The following PLA2G12A variants were observed in gnomAD, a reference collection of about 807,000 sequenced individuals.
PLA2G12A encodes group XIIA secretory phospholipase A2.
A neutral mutation model predicts 16.0 loss-of-function variants in PLA2G12A; 11 were observed. That is an observed-to-expected ratio of 0.69 (90% CI 0.43 to 1.13). PLA2G12A has a LOEUF of 1.13. PLA2G12A is among the 50% of genes most tolerant of loss of function. The pLI is 0.00. For missense variants in PLA2G12A, 214 were observed against 237.3 expected (o/e 0.90, Z 0.65); for synonymous variants, 77 against 93.8 (o/e 0.82, Z 1.03).
At chr4:109,724,325 G>A (rs190347448) in intron 1 of PLA2G12A, among the ~76,000 whole-genome samples, 287 of 152,136 alleles carry the variant, frequency 1.9e-3, no homozygotes, top group African/African-American at 6.5e-3. Context: ...GAGTTTCTCC[G>A]TGTTGGTCAG....
intron 3 of PLA2G12A, 141 bp from the exon 4 acceptor site, chr4:109,714,636 C>G: frequency 1.5e-6 from 1 of 646,522 alleles, no homozygotes; most frequent in South Asian, 2.0e-5. Flanking sequence ...CTCTCACAAC[C>G]TGTAGCATAT....
In PLA2G12A at chr4:109,710,378, C is replaced by A. The variant is rs372498036; in HGVS notation, c.*3999G>T. 1 of 152,178 alleles carries A rather than the reference C, an allele frequency of 6.6e-6. No individual in the cohort carries two copies. Among genetic ancestry groups the A allele is most frequent in the Non-Finnish European group, 1.5e-5 (1 of 68,034 alleles). 9.4% of individuals were successfully genotyped at this position (152,178 alleles called of 1,614,324 possible). ...GGATAAAATAATGAGCATTGTGCAT[C>A]GCACCTTCTGATAATCTCATACTTC... is the stretch of plus-strand genomic sequence containing the variant. On this transcript the variant is annotated 3_prime_UTR_variant, in exon 4 of 4. Transcript: ENST00000243501.
At position 109,713,608 on chromosome 4, in the gene PLA2G12A, T is replaced by A. The variant is rs1342552185; in HGVS notation, c.*769A>T. The A allele has an allele frequency of 6.6e-6, 1 of 152,236 alleles. No homozygotes were observed. The highest frequency in any genetic ancestry group is 1.5e-5 in the Non-Finnish European group (1 of 68,046). The allele number at this position is 152,236 out of a possible 1,614,324, so 9.4% of individuals were successfully genotyped here. A position where few individuals can be genotyped will look rare whatever the true frequency, so the allele number is the denominator to read the frequency against. ...ATCTTTTCTCTAACTTGGCAAAGGT[T>A]ATAGCAAAAGATGACATTTGTCATG... On this transcript the variant is annotated 3_prime_UTR_variant, in exon 4 of 4. Coordinates refer to ENST00000243501, the MANE Select transcript of PLA2G12A (RefSeq NM_030821.5).
chr4:109,711,507 T>C lies in PLA2G12A; in HGVS notation c.*2870A>G, dbSNP rs1024329078. On this transcript the variant is annotated 3_prime_UTR_variant, in exon 4 of 4. Coordinates refer to ENST00000243501, the MANE Select transcript of PLA2G12A (RefSeq NM_030821.5). ...CATCAAAGGGACATAGTAGCCAACC[T>C]GGCAGAACTCCTAATAGCCAAGCTG... is the stretch of plus-strand genomic sequence containing the variant. The C allele has an allele frequency of 6.6e-6, 1 of 152,172 alleles. No individual in the cohort carries two copies. Among genetic ancestry groups the C allele is most frequent in the African/African-American group, 2.4e-5 (1 of 41,438 alleles). 9.4% of individuals were successfully genotyped at this position (152,172 alleles called of 1,614,324 possible).
In PLA2G12A at chr4:109,729,632, C is replaced by T. The variant is rs759843038; in HGVS notation, c.178G>A (p.Asp60Asn). 4.3e-6 allele frequency: 7 copies of T among 1,611,776 alleles called. No homozygotes were observed. The highest frequency in any genetic ancestry group is 4.5e-5 in the East Asian group (2 of 44,890). The change falls in exon 1 of 4, where the codon GAC becomes AAC. Residue 60 changes from aspartate (D) to asparagine (N), a missense_variant. Coordinates refer to ENST00000243501, the MANE Select transcript of PLA2G12A (RefSeq NM_030821.5). The stretch of plus-strand genomic sequence containing the variant: ...CTGCATTTATACTGGCAGAGACCGT[C>T]CTCGCCTCCCAGGAGGTCCAAGGCG... Reference protein sequence around the residue: ...NAALDLLGGEDGLCQYKCSDG... With the variant: ...NAALDLLGGENGLCQYKCSDG...
rs987225100 is a variant in PLA2G12A at position 109,710,083 on chromosome 4, T to G, written c.*4294A>C. On this transcript the variant is annotated 3_prime_UTR_variant, in exon 4 of 4. Coordinates refer to ENST00000243501, the MANE Select transcript of PLA2G12A (RefSeq NM_030821.5). ...TATTTTTTAGGCAGATGGCTGGTTT[T>G]TGTAGGATTAAGCAGTGAGGAAAAA... 6.6e-6 allele frequency: 1 copy of G among 152,232 alleles called. No individual in the cohort carries two copies. The allele number at this position is 152,232 out of a possible 1,614,324, so 9.4% of individuals were successfully genotyped here.
intron 1 of PLA2G12A, among the ~76,000 whole-genome samples, chr4:109,719,322 C>T (rs1490529407): frequency 2.6e-5 from 4 of 152,116 alleles, no homozygotes; most frequent in South Asian, 2.1e-4. Flanking sequence ...TACAAGACCA[C>T]GCATTCTGCC....
Position 109,713,912 on chromosome 4 carries a change from G to C in PLA2G12A, c.*465C>G, listed in dbSNP as rs114948740. On this transcript the variant is annotated 3_prime_UTR_variant, in exon 4 of 4. Transcript: ENST00000243501. ...TAATTAAAATAGAAAAAAAAAGTCCGTTCCTTCTAGGCATAAATGTGTATT... is the reference window on the plus strand; with the variant it reads ...TAATTAAAATAGAAAAAAAAAGTCCCTTCCTTCTAGGCATAAATGTGTATT... 3.9e-5 allele frequency: 6 copies of C among 154,514 alleles called. No homozygotes were observed. The highest frequency in any genetic ancestry group is 1.4e-4 in the African/African-American group (6 of 41,418). The allele number at this position is 154,514 out of a possible 1,614,324, so 9.6% of individuals were successfully genotyped here.
At position 109,717,642 on chromosome 4, in the gene PLA2G12A, T is replaced by C; in HGVS notation, c.357A>G (p.Lys119=). The C allele has an allele frequency of 6.2e-7, 1 of 1,613,840 alleles. No individual in the cohort carries two copies. Among genetic ancestry groups the C allele is most frequent in the Non-Finnish European group, 8.5e-7 (1 of 1,179,706 alleles). The change falls in exon 3 of 4, where the codon AAA becomes AAG. Residue 119 remains lysine (K), a synonymous_variant. Transcript: ENST00000243501. ...QHDRCYETCG[K]SKNDCDEEFQ... ...ATTCTTCATCACAGTCATTCTTGCTTTTGCCACAGGTCTCATAGCACCTGT... is the reference window on the plus strand; with the variant it reads ...ATTCTTCATCACAGTCATTCTTGCTCTTGCCACAGGTCTCATAGCACCTGT...
intron 1 of PLA2G12A, among the ~76,000 whole-genome samples, chr4:109,727,787 G>A (rs1722971315): frequency 6.6e-6 from 1 of 152,082 alleles, no homozygotes; most frequent in South Asian, 2.1e-4. Context: ...GGCACAGAGG[G>A]AGACCTTGCC....
intron 3 of PLA2G12A, among the ~76,000 whole-genome samples, chr4:109,717,011 G>C (rs1413210702): frequency 1.3e-5 from 2 of 152,168 alleles, no homozygotes; most frequent in Non-Finnish European, 2.9e-5. Context: ...TCTTATAAAA[G>C]AGGCCCCAGA....
intron 1 of PLA2G12A, among the ~76,000 whole-genome samples, chr4:109,719,655 T>C (rs1381345194): frequency 1.3e-5 from 2 of 152,182 alleles, no homozygotes; most frequent in African/African-American, 4.8e-5. Flanking sequence ...AATATAACAA[T>C]GAAGTGAGTC....
At chr4:109,725,902 A>G (rs1205721471) in intron 1 of PLA2G12A, among the ~76,000 whole-genome samples, 1 of 152,178 alleles carries the variant, frequency 6.6e-6, no homozygotes, top group Non-Finnish European at 1.5e-5. Context: ...TTAAGTATTC[A>G]TGATCATTAA....
chr4:109,711,039 CAGTT>C lies in PLA2G12A; in HGVS notation c.*3334_*3337del, dbSNP rs1385073535. 26 of 137,702 alleles carry C rather than the reference CAGTT, an allele frequency of 1.9e-4. No homozygotes were observed. Among genetic ancestry groups the C allele is most frequent in the Non-Finnish European group, 3.0e-4 (20 of 65,996 alleles). 8.5% of individuals were successfully genotyped at this position (137,702 alleles called of 1,614,324 possible). A position where few individuals can be genotyped will look rare whatever the true frequency, so the allele number is the denominator to read the frequency against. ...TACATTTCTTGCAAAGAGCTGCTGA[CAGTT>C]AGTTCTTGCCTTTTTTTTTTTTTTT... On this transcript the variant is annotated 3_prime_UTR_variant, in exon 4 of 4. Coordinates refer to ENST00000243501, the MANE Select transcript of PLA2G12A (RefSeq NM_030821.5).
chr4:109,728,483 A>C lies in PLA2G12A; in HGVS notation c.208+1119T>G, dbSNP rs61164442. Among the ~76,000 whole-genome samples the C allele has an allele frequency of 3.6e-3, 549 of 152,350 alleles. 6 individuals are homozygous for C. The highest frequency in any genetic ancestry group is 0.013 in the East Asian group (68 of 5,184). On this transcript the variant is annotated intron_variant, in intron 1 of 3. Transcript: ENST00000243501. Reference sequence around the variant, plus strand: ...CCGAACAAGTTCTACAAGAATAAAAACATCTTCATGAAGCATACGTTTAGG... The same window carrying C: ...CCGAACAAGTTCTACAAGAATAAAACCATCTTCATGAAGCATACGTTTAGG...
intron 1 of PLA2G12A, among the ~76,000 whole-genome samples, chr4:109,728,748 T>G (rs980223141): frequency 1.3e-5 from 2 of 152,240 alleles, no homozygotes; most frequent in African/African-American, 4.8e-5. Context: ...TATTTTCCGC[T>G]GCCAGCATAA....
intron 1 of PLA2G12A, 115 bp from the exon 2 acceptor site, chr4:109,718,874 G>A (rs911719035): frequency 3.0e-6 from 2 of 669,040 alleles, no homozygotes; most frequent in African/African-American, 3.7e-5. Context: ...TTACTTGGAT[G>A]CTAACATAAG....
At chr4:109,729,328 G>C (rs186619409) in intron 1 of PLA2G12A, among the ~76,000 whole-genome samples, 33 of 150,444 alleles carry the variant, frequency 2.2e-4, no homozygotes, top group Non-Finnish European at 3.2e-4. Context: ...TGCAATTGAG[G>C]GGGGGAAAAG....
intron 1 of PLA2G12A, among the ~76,000 whole-genome samples, chr4:109,729,328 G>A (rs186619409): frequency 6.7e-6 from 1 of 150,328 alleles, no homozygotes; most frequent in Non-Finnish European, 1.5e-5. Flanking sequence ...TGCAATTGAG[G>A]GGGGGAAAAG....
Sources: gnomAD v4.1 joint callset for allele counts (sites outside exome capture counted in the v4.1 genomes callset) on GRCh38, gnomAD v4.1.1 for gene constraint, MANE v1.5 for transcripts, NCBI Gene and HGNC (gene_info 2026-07-23, HGNC 2026-07-21) for gene names.